The following KCNJ5 variants were observed in gnomAD, a reference collection of about 807,000 sequenced individuals.
KCNJ5 encodes G protein-activated inward rectifier potassium channel 4.
KCNJ5 carries 12 observed loss-of-function variants against 20.2 expected under a neutral mutation model. That is an observed-to-expected ratio of 0.59 (90% CI 0.38 to 0.96). The LOEUF is 0.96. KCNJ5 is among the 40% of genes least tolerant of loss of function. The probability of loss-of-function intolerance (pLI) is 0.00; values close to 1 mark genes in which losing one functional copy is unlikely to be tolerated. For missense variants in KCNJ5, 449 were observed against 557.6 expected (o/e 0.81, Z 1.96); for synonymous variants, 210 against 213.9 (o/e 0.98, Z 0.16).
At position 128,911,140 on chromosome 11, in the gene KCNJ5, C is replaced by T. The variant is rs557157965; in HGVS notation, c.-10-124C>T. The T allele has an allele frequency of 2.5e-3, 1,898 of 764,468 alleles. 4 individuals are homozygous for T. The highest frequency in any genetic ancestry group is 0.011 in the Middle Eastern group (39 of 3,576). 47.4% of individuals were successfully genotyped at this position (764,468 alleles called of 1,614,324 possible). A position where few individuals can be genotyped will look rare whatever the true frequency, so the allele number is the denominator to read the frequency against. The stretch of plus-strand genomic sequence containing the variant: ...GAGGCCCCTGCCCTTGAGGATTTCA[C>T]GCCCTGACCCCTGGATAACAGAAGA... On this transcript the variant is annotated intron_variant, in intron 1 of 2. Coordinates refer to ENST00000529694, the MANE Select transcript of KCNJ5 (RefSeq NM_000890.5). The surrounding 1 kb of genome is among the most constrained non-coding windows in gnomAD (Gnocchi z 6.3).
chr11:128,904,393 C>T (rs566019056), intron 1 of KCNJ5: 7 of 1,611,850 alleles, frequency 4.3e-6, no homozygotes, highest in East Asian at 4.5e-5. Flanking sequence ...GAACTCCTTG[C>T]GGACAGAGAA....
At chr11:128,902,288 CGCCCTCCTGTCCCTCCA>C (rs1591441666) in intron 1 of KCNJ5, 1 of 531,378 alleles carries the variant, frequency 1.9e-6, no homozygotes, top group African/African-American at 1.9e-5. Context: ...CCACCTGATC[CGCCCTCCTGTCCCTCCA>C]GCCCTCCTCT....
chr11:128,904,904 T>C (rs566641385), intron 1 of KCNJ5, among the ~76,000 whole-genome samples: 4 of 152,306 alleles, frequency 2.6e-5, no homozygotes, highest in Middle Eastern at 3.4e-3. Context: ...CCTAAGTTGA[T>C]AGAACAAATA....
rs757877367 is a variant in KCNJ5, at chr11:128,911,487, C to T, written c.214C>T (p.Arg72Trp). 5.6e-6 allele frequency: 9 copies of T among 1,614,216 alleles called. No individual in the cohort carries two copies. Among genetic ancestry groups the T allele is most frequent in the East Asian group, 2.2e-5 (1 of 44,884 alleles). ...CCACGGCAACGTCCAGGAGACCTAC[C>T]GGTACCTGAGTGACCTCTTCACCAC... ...VHHGNVQETYRYLSDLFTTLV... is the reference protein window; with the variant it reads ...VHHGNVQETYWYLSDLFTTLV... The change falls in exon 2 of 3, where the codon CGG becomes TGG. Residue 72 changes from arginine to tryptophan, a missense_variant. Physicochemically the swap from Arg to Trp is moderately radical, Grantham distance 101 (BLOSUM62 -3). Coordinates refer to ENST00000529694, the MANE Select transcript of KCNJ5 (RefSeq NM_000890.5). The surrounding 1 kb of genome is among the most constrained non-coding windows in gnomAD (Gnocchi z 6.3).
chr11:128,917,104 T>TG lies in KCNJ5; in HGVS notation c.*374dup. 1.3e-5 allele frequency: 1 copy of TG among 79,150 alleles called. No homozygotes were observed. The highest frequency in any genetic ancestry group is 2.2e-5 in the Non-Finnish European group (1 of 46,244). 4.9% of individuals were successfully genotyped at this position (79,150 alleles called of 1,614,324 possible). A position where few individuals can be genotyped will look rare whatever the true frequency, so the allele number is the denominator to read the frequency against. The stretch of plus-strand genomic sequence containing the variant: ...TGACACCTAGAGAGAACCATCACCT[T>TG]GTCCCTCATTCCTTCCACCCTGAGG... On this transcript the variant is annotated 3_prime_UTR_variant, in exon 3 of 3. Transcript: ENST00000529694.
intron 1 of KCNJ5, chr11:128,904,411 A>T (rs1944355725): frequency 1.2e-6 from 2 of 1,613,756 alleles, no homozygotes; most frequent in Non-Finnish European, 1.7e-6. Flanking sequence ...GAACGCATCA[A>T]GGGTCGTCAA....
rs189886330 is a variant in KCNJ5 at position 128,911,006 on chromosome 11, G to A, written c.-10-258G>A. Among the ~76,000 whole-genome samples the A allele has an allele frequency of 9.9e-5, 15 of 152,236 alleles. No individual in the cohort carries two copies. The highest frequency in any genetic ancestry group is 2.4e-4 in the African/African-American group (10 of 41,542). On this transcript the variant is annotated intron_variant, in intron 1 of 2. Coordinates refer to ENST00000529694, the MANE Select transcript of KCNJ5 (RefSeq NM_000890.5). This position sits in a 1 kb window ranked among gnomAD's most constrained non-coding sequence, Gnocchi z 6.3. Reference sequence around the variant, plus strand: ...CCTTTCAACACTTAATGTGTAGTTTGCACCTAGATATTGTTCATTTATTCA... The same window carrying A: ...CCTTTCAACACTTAATGTGTAGTTTACACCTAGATATTGTTCATTTATTCA...
At chr11:128,904,540 T>G (rs766600979) in intron 1 of KCNJ5, 1 of 1,326,758 alleles carries the variant, frequency 7.5e-7, no homozygotes, top group East Asian at 2.3e-5. Context: ...TACTCAGGTG[T>G]GCACTGAGGA....
chr11:128,893,532 T>G (rs1260270120), intron 1 of KCNJ5, among the ~76,000 whole-genome samples: 1 of 152,204 alleles, frequency 6.6e-6, no homozygotes, highest in Admixed American at 6.5e-5. Flanking sequence ...CTAGACCTAC[T>G]ACCTAGCTCT....
rs1178873696 is a variant in KCNJ5 at position 128,920,877 on chromosome 11, GC to G, written c.*4150del. ...GCCGATTCACATGCTGTGCCACGGAGCCCCGGCTTCCATCCATGATGTGCCC... is the reference window on the plus strand; with the variant it reads ...GCCGATTCACATGCTGTGCCACGGAGCCCGGCTTCCATCCATGATGTGCCC... On this transcript the variant is annotated 3_prime_UTR_variant, in exon 3 of 3. Coordinates refer to ENST00000529694, the MANE Select transcript of KCNJ5 (RefSeq NM_000890.5). The G allele has an allele frequency of 3.3e-5, 5 of 152,292 alleles. No homozygotes were observed. In the East Asian group the frequency reaches 9.6e-4, roughly 29 times the overall value. 9.4% of individuals were successfully genotyped at this position (152,292 alleles called of 1,614,324 possible).
chr11:128,916,276 G>A (rs2136003590), intron 2 of KCNJ5, 133 bp from the exon 3 acceptor site: 1 of 727,190 alleles, frequency 1.4e-6, no homozygotes, highest in African/African-American at 1.7e-5. Context: ...ATGGATGGAT[G>A]GATGAACAGA....
intron 1 of KCNJ5, chr11:128,904,463 C>A: frequency 6.8e-6 from 11 of 1,613,638 alleles, no homozygotes; most frequent in Non-Finnish European, 8.5e-6. Context: ...GATTCTGGGA[C>A]TAGGCATCAG....
rs1944658711 is a variant in KCNJ5 at position 128,921,109 on chromosome 11, C to T, written c.*4378C>T. Reference sequence around the variant, plus strand: ...TCATCAATCTTCGTATGCAAAAGAACACCACTGCACTGCACTGCTAAAAAT... The same window carrying T: ...TCATCAATCTTCGTATGCAAAAGAATACCACTGCACTGCACTGCTAAAAAT... On this transcript the variant is annotated 3_prime_UTR_variant, in exon 3 of 3. Transcript: ENST00000529694. 1 of 152,236 alleles carries T rather than the reference C, an allele frequency of 6.6e-6. No individual in the cohort carries two copies. The highest frequency in any genetic ancestry group is 2.4e-5 in the African/African-American group (1 of 41,462). The allele number at this position is 152,236 out of a possible 1,614,324, so 9.4% of individuals were successfully genotyped here.
In KCNJ5 at chr11:128,900,929, C is replaced by T. The variant is rs945538585; in HGVS notation, c.-11+9208C>T. 5 of 152,194 alleles carry T rather than the reference C, an allele frequency of 3.3e-5. No individual in the cohort carries two copies. In the East Asian group the frequency reaches 7.7e-4, roughly 23 times the overall value. 9.4% of individuals were successfully genotyped at this position (152,194 alleles called of 1,614,324 possible). A position where few individuals can be genotyped will look rare whatever the true frequency, so the allele number is the denominator to read the frequency against. On this transcript the variant is annotated intron_variant, in intron 1 of 2. Transcript: ENST00000529694. ...TATCTGCTCTTAACCTATACCAATC[C>T]AATCCAGGGGGGCCAAGTACATTAT...
chr11:128,913,131 A>T (rs1402608154), intron 2 of KCNJ5, among the ~76,000 whole-genome samples: 1 of 152,208 alleles, frequency 6.6e-6, no homozygotes, highest in Non-Finnish European at 1.5e-5. Context: ...TCCTAAACTC[A>T]AAAGGTTCTC....
rs527946815 is a variant in KCNJ5, at chr11:128,919,523, G to T, written c.*2792G>T. On this transcript the variant is annotated 3_prime_UTR_variant, in exon 3 of 3. Coordinates refer to ENST00000529694, the MANE Select transcript of KCNJ5 (RefSeq NM_000890.5). Reference sequence around the variant, plus strand: ...GAAGACTCCCCCTTCACATCCTGAGGAAATCCCCTTCCTGGTGACCAACTG... The same window carrying T: ...GAAGACTCCCCCTTCACATCCTGAGTAAATCCCCTTCCTGGTGACCAACTG... 1 of 152,368 alleles carries T rather than the reference G, an allele frequency of 6.6e-6. No homozygotes were observed. Among genetic ancestry groups the T allele is most frequent in the South Asian group, 2.1e-4 (1 of 4,832 alleles). 9.4% of individuals were successfully genotyped at this position (152,368 alleles called of 1,614,324 possible).
intron 2 of KCNJ5, among the ~76,000 whole-genome samples, chr11:128,916,049 GCTATATCTTT>G (rs1944574642): frequency 1.5e-5 from 2 of 130,736 alleles, no homozygotes; most frequent in Admixed American, 7.8e-5. Context: ...TGGATGGATG[GCTATATCTTT>G]GCCCTTTCCT....
intron 1 of KCNJ5, among the ~76,000 whole-genome samples, chr11:128,892,027 C>T (rs961592041): frequency 6.6e-6 from 1 of 152,180 alleles, no homozygotes. Context: ...GCAACAGTGG[C>T]CAGGAGTGGG....
In KCNJ5 at chr11:128,916,425, C is replaced by T. The variant is rs543287417; in HGVS notation, c.954C>T (p.Ala318=). 1 of 1,614,188 alleles carries T rather than the reference C, an allele frequency of 6.2e-7. No individual in the cohort carries two copies. Among genetic ancestry groups the T allele is most frequent in the Admixed American group, 1.7e-5 (1 of 60,030 alleles). Residue 318 remains alanine (A), a synonymous_variant, in exon 3 of 3, where the codon GCC becomes GCT. Coordinates refer to ENST00000529694, the MANE Select transcript of KCNJ5 (RefSeq NM_000890.5). The part of the protein sequence containing the change: ...MVEATGMTCQ[A]RSSYMDTEVL... ...TTTCCCCAGGCATGACCTGCCAAGCCCGGAGCTCCTACATGGATACAGAGG... is the reference window on the plus strand; with the variant it reads ...TTTCCCCAGGCATGACCTGCCAAGCTCGGAGCTCCTACATGGATACAGAGG...
Sources: gnomAD v4.1 joint callset for allele counts (sites outside exome capture counted in the v4.1 genomes callset) on GRCh38, gnomAD v4.1.1 for gene constraint, Gnocchi (gnomAD v3.1) non-coding constraint, MANE v1.5 for transcripts, NCBI Gene and HGNC (gene_info 2026-07-23, HGNC 2026-07-21) for gene names.